Variants in B4GALT1 observed in about 807,000 individuals in gnomAD.
B4GALT1 encodes beta-1,4-galactosyltransferase 1.
In B4GALT1, 16 loss-of-function variants were observed where a neutral mutation model predicts 34.9. That is an observed-to-expected ratio of 0.46 (90% confidence interval 0.31 to 0.70). The LOEUF is 0.70. Ranked by LOEUF, B4GALT1 falls within the 30% of genes least tolerant of loss-of-function variation. B4GALT1 has a pLI of 0.05. For missense variants in B4GALT1, 445 were observed against 530.5 expected, an observed-to-expected ratio of 0.84 and a Z score of 1.58; for synonymous variants, 221 against 218.1, an observed-to-expected ratio of 1.01 and a Z score of -0.12.
At chr9:33,152,364 CATAACA>C (rs1232480702) in intron 1 of B4GALT1, among the ~76,000 whole-genome samples, 1 of 108,098 alleles carries the variant, frequency 9.3e-6, no homozygotes. Context: ...CATAACATAA[CATAACA>C]ACTTCTACAT....
At chr9:33,165,883 G>A (rs1490449422) in intron 1 of B4GALT1, among the ~76,000 whole-genome samples, 1 of 152,200 alleles carries the variant, frequency 6.6e-6, no homozygotes, top group Non-Finnish European at 1.5e-5. Context: ...CAGGCTAGAG[G>A]TCAGAGTTCA....
rs558290379 is a variant in B4GALT1 at position 33,136,877 on chromosome 9, C to T, written c.413-1453G>A. 5.3e-5 allele frequency among the ~76,000 whole-genome samples: 8 copies of T among 152,322 alleles called. No individual in the cohort carries two copies. In the South Asian group the frequency reaches 6.2e-4, roughly 12 times the overall value. On this transcript the variant is annotated intron_variant, in intron 1 of 5. Coordinates refer to ENST00000379731, the MANE Select transcript of B4GALT1 (RefSeq NM_001497.4). ...TTCAGCCTGCCCTGTTTATCAATAA[C>T]GCGTGGCTCTCCAAGCACCCCCTAC... is the stretch of plus-strand genomic sequence containing the variant.
chr9:33,175,020 T>TATATATATATATATAAAA, the B4GALT1 span, among the ~76,000 whole-genome samples: 16 of 39,048 alleles, frequency 4.1e-4, 1 homozygote, highest in Non-Finnish European at 6.2e-4. Context: ...TATATATATA[T>TATATATATATATATAAAA]AAAATTGGAG....
intron 3 of B4GALT1, 73 bp from the exon 4 acceptor site, chr9:33,116,186 G>A: frequency 1.9e-6 from 3 of 1,548,668 alleles, no homozygotes; most frequent in Non-Finnish European, 1.8e-6. Context: ...AAAGCTTGCT[G>A]AGAACATAAA....
the B4GALT1 span, among the ~76,000 whole-genome samples, chr9:33,182,057 A>AT: frequency 1.0e-4 from 15 of 150,738 alleles, no homozygotes; most frequent in South Asian, 2.1e-4. Flanking sequence ...ATTTAAAAAA[A>AT]TTTTTTTTTG....
rs1289465966 is a variant in B4GALT1 at position 33,113,603 on chromosome 9, A to C, written c.1065-17T>G. On this transcript the variant is annotated splice_polypyrimidine_tract_variant and intron_variant, in intron 5 of 5. Transcript: ENST00000379731. ...CGGTCAAACCTACAAGGAAAAGAGC[A>C]CAAGGAGATTGTCTTAAAACAAAAA... 1 of 1,614,228 alleles carries C rather than the reference A, an allele frequency of 6.2e-7. No homozygotes were observed. Among genetic ancestry groups the C allele is most frequent in the Non-Finnish European group, 8.5e-7 (1 of 1,180,040 alleles).
the B4GALT1 span, among the ~76,000 whole-genome samples, chr9:33,172,922 T>G: frequency 5.0e-5 from 6 of 120,638 alleles, no homozygotes; most frequent in Admixed American, 3.0e-4. Context: ...CCAACCAGGA[T>G]AGGGAGGGGT....
chr9:33,155,829 T>C (rs1208078634), intron 1 of B4GALT1, among the ~76,000 whole-genome samples: 1 of 152,206 alleles, frequency 6.6e-6, no homozygotes, highest in Non-Finnish European at 1.5e-5. Flanking sequence ...TCAAAAGACA[T>C]TCAGAGTACT....
the B4GALT1 span, among the ~76,000 whole-genome samples, chr9:33,184,804 C>A: frequency 2.0e-5 from 3 of 152,146 alleles, no homozygotes; most frequent in Non-Finnish European, 2.9e-5. Flanking sequence ...CTGTTTAAGA[C>A]CTGGCTTGTT....
chr9:33,149,991 G>C (rs1295146879), intron 1 of B4GALT1, among the ~76,000 whole-genome samples: 1 of 152,050 alleles, frequency 6.6e-6, no homozygotes, highest in Non-Finnish European at 1.5e-5. Flanking sequence ...GTCTTCCTAA[G>C]GCCTGTAGAT....
intron 1 of B4GALT1, among the ~76,000 whole-genome samples, chr9:33,157,253 G>C (rs1000547215): frequency 4.6e-5 from 7 of 152,118 alleles, no homozygotes; most frequent in Admixed American, 2.6e-4. Flanking sequence ...TTTAGAACCT[G>C]TGAATGATTC....
intron 2 of B4GALT1, among the ~76,000 whole-genome samples, chr9:33,131,195 G>C (rs1056916348): frequency 6.6e-6 from 1 of 152,214 alleles, no homozygotes; most frequent in African/African-American, 2.4e-5. Context: ...CTGATGCCCT[G>C]AGAAGGCACT....
intron 1 of B4GALT1, among the ~76,000 whole-genome samples, chr9:33,135,867 T>C (rs549251688): frequency 3.2e-4 from 49 of 151,826 alleles, no homozygotes; most frequent in Non-Finnish European, 6.8e-4. Flanking sequence ...ACATCATCTC[T>C]CTGATTCTAG....
chr9:33,159,403 C>G (rs1448473131), intron 1 of B4GALT1, among the ~76,000 whole-genome samples: 1 of 152,164 alleles, frequency 6.6e-6, no homozygotes, highest in Non-Finnish European at 1.5e-5. Context: ...ATAATCCTGC[C>G]CCTTCCCTCA....
chr9:33,166,823 G>A lies in B4GALT1; in HGVS notation c.347C>T (p.Ser116Leu). ...TGCGGTGGTGTGGGGCACTGGGACCGAGGTCAAGTTGCTAGCGGGGCCAGG... is the reference window on the plus strand; with the variant it reads ...TGCGGTGGTGTGGGGCACTGGGACCAAGGTCAAGTTGCTAGCGGGGCCAGG... The part of the protein sequence containing the change: ...SGPGPASNLT[S>L]VPVPHTTALS... Residue 116 changes from serine (S) to leucine (L), a missense_variant, in exon 1 of 6, where the codon TCG becomes TTG. Physicochemically the swap from Ser to Leu is moderately radical, Grantham distance 145. Coordinates refer to ENST00000379731, the MANE Select transcript of B4GALT1 (RefSeq NM_001497.4). 6.4e-7 allele frequency: 1 copy of A among 1,550,488 alleles called. No homozygotes were observed. The highest frequency in any genetic ancestry group is 8.7e-7 in the Non-Finnish European group (1 of 1,153,938).
At chr9:33,117,298 A>G (rs1839954954) in intron 3 of B4GALT1, among the ~76,000 whole-genome samples, 1 of 152,268 alleles carries the variant, frequency 6.6e-6, no homozygotes, top group African/African-American at 2.4e-5. Context: ...ATCCTGATTT[A>G]GCAAAATGTA....
chr9:33,135,063 G>C, intron 2 of B4GALT1, 126 bp downstream of exon 2: 1 of 985,344 alleles, frequency 1.0e-6, no homozygotes, highest in Admixed American at 2.0e-5. Flanking sequence ...CTGGGGGGCT[G>C]GTTCCTCGCT....
At chr9:33,124,145 G>C (rs1840061039) in intron 2 of B4GALT1, among the ~76,000 whole-genome samples, 1 of 152,108 alleles carries the variant, frequency 6.6e-6, no homozygotes, top group Non-Finnish European at 1.5e-5. Flanking sequence ...GGCTGCTTTG[G>C]GTGAAATGCT....
chr9:33,134,852 C>T (rs996910511), intron 2 of B4GALT1, among the ~76,000 whole-genome samples: 1 of 152,182 alleles, frequency 6.6e-6, no homozygotes, highest in Non-Finnish European at 1.5e-5. Flanking sequence ...AAGGAAAATA[C>T]ACAGCTACAC....
Sources: allele counts gnomAD v4.1 joint callset (sites outside exome capture counted in the v4.1 genomes callset), GRCh38; gene constraint gnomAD v4.1.1; transcripts MANE v1.5; gene names NCBI Gene and HGNC (gene_info 2026-07-23, HGNC 2026-07-21).